Variants in KIAA1217 observed in about 807,000 individuals in gnomAD.
The protein encoded by KIAA1217 is KIAA1217, also known as sickle tail protein homolog.
KIAA1217 carries 88 observed loss-of-function variants against 163.9 expected under a neutral mutation model. The ratio of observed to expected loss-of-function variants is 0.54; its 90% CI spans 0.45 to 0.64. The LOEUF is 0.64. KIAA1217 is among the 30% of genes least tolerant of loss of function. The pLI, the probability that KIAA1217 is intolerant of heterozygous loss-of-function variation, is 0.00. For missense variants in KIAA1217, 2,372 were observed against 2,475.0 expected (o/e 0.96, Z 0.88); for synonymous variants, 903 against 923.1 (o/e 0.98, Z 0.39).
intron 4 of KIAA1217, among the ~76,000 whole-genome samples, chr10:24,434,588 G>A (rs777021715): frequency 6.6e-6 from 1 of 152,112 alleles, no homozygotes; most frequent in Non-Finnish European, 1.5e-5. Flanking sequence ...CTCTAGTCTC[G>A]GACTCCCAAA....
intron 2 of KIAA1217, among the ~76,000 whole-genome samples, chr10:24,075,897 C>T (rs1026091531): frequency 1.3e-5 from 2 of 152,174 alleles, no homozygotes; most frequent in Non-Finnish European, 2.9e-5. Context: ...AGCCACGACT[C>T]CCAGCCTTAA....
In KIAA1217 at chr10:24,433,177, G is replaced by A. The variant is rs776009813; in HGVS notation, c.736G>A (p.Glu246Lys). Reference protein sequence around the residue: ...IKDESRNVYYELNDVRNIQDR... With the variant: ...IKDESRNVYYKLNDVRNIQDR... ...AGATGAAAGCAGAAATGTCTATTATGAATTAAATGATGTAAGGTAAGTTGT... is the reference window on the plus strand; with the variant it reads ...AGATGAAAGCAGAAATGTCTATTATAAATTAAATGATGTAAGGTAAGTTGT... Residue 246 changes from glutamate (E) to lysine (K), a missense_variant, in exon 4 of 21, where the codon GAA (glutamate) becomes AAA (lysine). Transcript: ENST00000376454. 2.5e-6 allele frequency: 4 copies of A among 1,613,162 alleles called. No homozygotes were observed. In the South Asian group the frequency reaches 3.3e-5, roughly 13 times the overall value.
chr10:24,222,138 A>G (rs951514178), intron 2 of KIAA1217, among the ~76,000 whole-genome samples: 1 of 152,214 alleles, frequency 6.6e-6, no homozygotes, highest in Non-Finnish European at 1.5e-5. Flanking sequence ...GGTTAAAACA[A>G]TTACAAGGGA....
chr10:24,005,135 C>G (rs1564604153), intron 1 of KIAA1217, among the ~76,000 whole-genome samples: 1 of 152,306 alleles, frequency 6.6e-6, no homozygotes, highest in Non-Finnish European at 1.5e-5. Flanking sequence ...CTGCCACTTA[C>G]AGCGTGATTT....
chr10:24,166,737 TA>T (rs1030589160), intron 2 of KIAA1217, among the ~76,000 whole-genome samples: 1 of 151,990 alleles, frequency 6.6e-6, no homozygotes, highest in Non-Finnish European at 1.5e-5. Context: ...ATTAAAAAAT[TA>T]AAAAGTTTTA....
intron 1 of KIAA1217, among the ~76,000 whole-genome samples, chr10:23,748,506 AG>A (rs1177378045): frequency 1.6e-5 from 2 of 128,474 alleles, no homozygotes; most frequent in African/African-American, 6.1e-5. Flanking sequence ...GGGAAAGGAG[AG>A]GAGAGGAGAG....
At chr10:24,479,882 G>C (rs1244005275) in intron 6 of KIAA1217, among the ~76,000 whole-genome samples, 6 of 152,150 alleles carry the variant, frequency 3.9e-5, no homozygotes, top group Admixed American at 3.3e-4. Context: ...TCTTAAAAGC[G>C]AGAGCAAGAA....
intron 1 of KIAA1217, among the ~76,000 whole-genome samples, chr10:23,895,429 A>G (rs1841633755): frequency 6.6e-6 from 1 of 152,200 alleles, no homozygotes; most frequent in Non-Finnish European, 1.5e-5. Context: ...AATGCAAATC[A>G]AAACCACAAT....
At chr10:23,872,976 C>A (rs1395012799) in intron 1 of KIAA1217, among the ~76,000 whole-genome samples, 2 of 151,974 alleles carry the variant, frequency 1.3e-5, no homozygotes, top group African/African-American at 4.8e-5. Context: ...AGCAATCAAA[C>A]AGCCTGAAAT....
intron 2 of KIAA1217, among the ~76,000 whole-genome samples, chr10:24,053,566 C>A (rs1424815041): frequency 6.6e-6 from 1 of 151,992 alleles, no homozygotes; most frequent in African/African-American, 2.4e-5. Flanking sequence ...ATATTTTACC[C>A]TGTTGATTAG....
Position 24,055,707 on chromosome 10 carries a change from A to AT in KIAA1217, c.-171+48343dup, listed in dbSNP as rs907589105. Among the ~76,000 whole-genome samples, 140 of 149,022 alleles carry AT rather than the reference A, an allele frequency of 9.4e-4. 1 individual carries two copies. The highest frequency in any genetic ancestry group is 1.9e-3 in the African/African-American group (79 of 40,756). On this transcript the variant is annotated intron_variant, in intron 2 of 18. Coordinates refer to the KIAA1217 transcript ENST00000376462. The stretch of plus-strand genomic sequence containing the variant: ...TCAATTTCTGGCACAATGTAAAGTC[A>AT]TTTTTTTTTTCCGATAAAACTTCTA...
intron 1 of KIAA1217, among the ~76,000 whole-genome samples, chr10:23,862,884 AT>A (rs1253473858): frequency 6.6e-6 from 1 of 152,086 alleles, no homozygotes; most frequent in Non-Finnish European, 1.5e-5. Context: ...AAATATTAAT[AT>A]TTACCATTTC....
intron 2 of KIAA1217, among the ~76,000 whole-genome samples, chr10:24,018,649 T>C (rs959659424): frequency 6.6e-6 from 1 of 151,948 alleles, no homozygotes; most frequent in Non-Finnish European, 1.5e-5. Flanking sequence ...ACCGTAGAGA[T>C]ATTCCTCAAA....
intron 1 of KIAA1217, among the ~76,000 whole-genome samples, chr10:23,855,025 A>C (rs1026028285): frequency 6.6e-6 from 1 of 152,054 alleles, no homozygotes; most frequent in Non-Finnish European, 1.5e-5. Flanking sequence ...TTTAAAGTTA[A>C]TATTGTTATG....
intron 9 of KIAA1217, among the ~76,000 whole-genome samples, chr10:24,504,432 A>C (rs912914225): frequency 6.6e-6 from 1 of 152,118 alleles, no homozygotes; most frequent in Non-Finnish European, 1.5e-5. Flanking sequence ...TTTCCTCCCC[A>C]TCAAACTTCT....
intron 5 of KIAA1217, among the ~76,000 whole-genome samples, chr10:24,455,733 A>T (rs2061720775): frequency 6.6e-6 from 1 of 152,242 alleles, no homozygotes; most frequent in Admixed American, 6.5e-5. Flanking sequence ...CAATGCCAAG[A>T]TGTGGGTAAT....
chr10:23,800,823 C>A (rs1836433530), intron 1 of KIAA1217, among the ~76,000 whole-genome samples: 1 of 152,134 alleles, frequency 6.6e-6, no homozygotes, highest in South Asian at 2.1e-4. Context: ...CGTCAGGAAA[C>A]AACAGATGCT....
rs754240362 is a variant in KIAA1217, at chr10:24,529,490, T to TTATA, written c.3082+1385_3082+1388dup. Among the ~76,000 whole-genome samples the TTATA allele has an allele frequency of 3.2e-3, 480 of 150,682 alleles. 4 individuals are homozygous for TTATA. The highest frequency in any genetic ancestry group is 0.011 in the African/African-American group (456 of 41,128). ...TTATTTTTTGGAATGTGGAGGGAAT[T>TTATA]TATATATATATATATATTTTTCCAT... On this transcript the variant is annotated intron_variant, in intron 14 of 20. Coordinates refer to ENST00000376454, the MANE Select transcript of KIAA1217 (RefSeq NM_019590.5).
At chr10:24,343,537 C>A (rs766819163) in intron 2 of KIAA1217, among the ~76,000 whole-genome samples, 1 of 152,144 alleles carries the variant, frequency 6.6e-6, no homozygotes, top group South Asian at 2.1e-4. Flanking sequence ...AATATTTCTC[C>A]AGTTGTTAAA....
Sources: gnomAD v4.1 joint callset for allele counts (sites outside exome capture counted in the v4.1 genomes callset) on GRCh38, gnomAD v4.1.1 for gene constraint, MANE v1.5 for transcripts, NCBI Gene and HGNC (gene_info 2026-07-23, HGNC 2026-07-21) for gene names.